The following NUTM1 variants were observed in gnomAD, a reference collection of about 807,000 sequenced individuals.
NUTM1 encodes NUT family member 1.
A neutral mutation model predicts 88.7 loss-of-function variants in NUTM1; 39 were observed. That is an observed-to-expected ratio of 0.44 (90% CI 0.34 to 0.57). The LOEUF (loss-of-function observed/expected upper bound fraction) is 0.57. Ranked by LOEUF, NUTM1 falls within the 20% of genes least tolerant of loss-of-function variation. The probability of loss-of-function intolerance (pLI) is 0.01; values close to 1 mark genes in which losing one functional copy is unlikely to be tolerated. For missense variants in NUTM1, 1,350 were observed against 1,414.5 expected (o/e 0.95, Z 0.73); for synonymous variants, 494 against 538.0 (o/e 0.92, Z 1.13).
chr15:34,347,533 C>A (rs886760995), intron 2 of NUTM1, among the ~76,000 whole-genome samples: 4 of 151,388 alleles, frequency 2.6e-5, no homozygotes, highest in Non-Finnish European at 5.9e-5. Context: ...GCTGGGATTA[C>A]AGATATGAAC....
At chr15:34,349,842 A>C (rs1890674427) in intron 3 of NUTM1, among the ~76,000 whole-genome samples, 1 of 152,212 alleles carries the variant, frequency 6.6e-6, no homozygotes, top group Non-Finnish European at 1.5e-5. Context: ...GGAGCCTAGC[A>C]GGCTAAATTT....
chr15:34,350,810 A>G lies in NUTM1; in HGVS notation c.916A>G (p.Ile306Val). 1.2e-6 allele frequency: 2 copies of G among 1,614,090 alleles called. No homozygotes were observed. The highest frequency in any genetic ancestry group is 1.7e-6 in the Non-Finnish European group (2 of 1,179,978). The change falls in exon 4 of 8, where the codon ATC becomes GTC. Residue 306 changes from isoleucine to valine, a missense_variant. Coordinates refer to ENST00000537011, the MANE Select transcript of NUTM1 (RefSeq NM_001284292.2). ...WEHTSNFDRM[I>V]FYEMAERFME... ...GCACACCAGCAACTTTGACCGGATG[A>G]TCTTTTATGAGATGGCAGAAAGGTG...
chr15:34,347,405 A>G (rs1890612932), intron 2 of NUTM1, among the ~76,000 whole-genome samples: 1 of 151,996 alleles, frequency 6.6e-6, no homozygotes, highest in Non-Finnish European at 1.5e-5. Flanking sequence ...CTACAGGTGC[A>G]TGCCACCGCA....
intron 4 of NUTM1, among the ~76,000 whole-genome samples, chr15:34,352,865 G>A (rs1214661732): frequency 7.3e-6 from 1 of 137,430 alleles, no homozygotes; most frequent in African/African-American, 2.7e-5. Context: ...ACAAGCTCTA[G>A]ATCATTCTTA....
At chr15:34,346,802 G>C (rs1321867405) in intron 2 of NUTM1, among the ~76,000 whole-genome samples, 1 of 137,884 alleles carries the variant, frequency 7.3e-6, no homozygotes, top group African/African-American at 2.7e-5. Context: ...AGAATCACTT[G>C]AACCCAGGAG....
chr15:34,351,689 G>A (rs1342706703), intron 4 of NUTM1, among the ~76,000 whole-genome samples: 1 of 152,148 alleles, frequency 6.6e-6, no homozygotes, highest in African/African-American at 2.4e-5. Context: ...TGACTTGGTA[G>A]CAAGTGGCTA....
Position 34,357,327 on chromosome 15 carries a change from G to C in NUTM1, c.3319G>C (p.Gly1107Arg). The change falls in exon 8 of 8, where the codon GGA (glycine) becomes CGA (arginine). Residue 1107 changes from glycine (G) to arginine (R), a missense_variant. Physicochemically the swap from Gly to Arg is moderately radical, Grantham distance 125. This residue lies in a region of NUTM1 where 730 missense variants were observed against 728.8 expected (regional missense o/e 1.00). Coordinates refer to ENST00000537011, the MANE Select transcript of NUTM1 (RefSeq NM_001284292.2). ...CAAGTCTGGGAAGCGAGCTCTAGCTGGAGGTCCAGCCCCTACTGAAAAGAC... is the reference window on the plus strand; with the variant it reads ...CAAGTCTGGGAAGCGAGCTCTAGCTCGAGGTCCAGCCCCTACTGAAAAGAC... ...VAKSGKRALA[G>R]GPAPTEKTPH... The C allele has an allele frequency of 6.2e-7, 1 of 1,614,176 alleles. No individual in the cohort carries two copies. Among genetic ancestry groups the C allele is most frequent in the Non-Finnish European group, 8.5e-7 (1 of 1,180,026 alleles).
At position 34,357,408 on chromosome 15, in the gene NUTM1, G is replaced by A. The variant is rs1187622169; in HGVS notation, c.3400G>A (p.Val1134Ile). The A allele has an allele frequency of 1.2e-6, 2 of 1,614,176 alleles. No homozygotes were observed. The highest frequency in any genetic ancestry group is 1.7e-6 in the Non-Finnish European group (2 of 1,180,028). ...CAGGGAGAAACCCCTAGCTCTGGGA[G>A]TAGTTCGACCCTCACAGCCTCGTAA... Reference protein sequence around the residue: ...VPREKPLALGVVRPSQPRKRR... With the variant: ...VPREKPLALGIVRPSQPRKRR... The change falls in exon 8 of 8, where the codon GTA (valine) becomes ATA (isoleucine). Residue 1134 changes from valine to isoleucine, a missense_variant. By Grantham distance (29) the Val-to-Ile change is conservative. Coordinates refer to ENST00000537011, the MANE Select transcript of NUTM1 (RefSeq NM_001284292.2).
chr15:34,354,486 C>T lies in NUTM1; in HGVS notation c.1116C>T (p.Pro372=). Residue 372 remains proline (P), a synonymous_variant, in exon 6 of 8, where the codon CCC becomes CCT. Transcript: ENST00000537011. ...PKKAASKTRA[P]RRRQRKAQRP... is the part of the protein sequence containing the mutation. ...AGGCAGCCTCCAAGACACGGGCCCC[C>T]CGCCGGCGTCAGCGTAAAGCCCAGA... The T allele has an allele frequency of 6.2e-7, 1 of 1,614,156 alleles. No homozygotes were observed. The highest frequency in any genetic ancestry group is 8.5e-7 in the Non-Finnish European group (1 of 1,180,038).
rs1446546057 is a variant in NUTM1, at chr15:34,355,634, T to G, written c.1626T>G (p.Leu542=). 1 of 1,611,856 alleles carries G rather than the reference T, an allele frequency of 6.2e-7. No homozygotes were observed. Among genetic ancestry groups the G allele is most frequent in the Non-Finnish European group, 8.5e-7 (1 of 1,179,096 alleles). Residue 542 remains leucine, a synonymous_variant, in exon 8 of 8, where the codon CTT becomes CTG. Transcript: ENST00000537011. The surrounding 1 kb of genome is among the most constrained non-coding windows in gnomAD (Gnocchi z 4.3). ...GGCGGCTTCGGCCCTCACCTGGGCT[T>G]CAGGGGGCTGGGGGCGCCGCTTGCC... The part of the protein sequence containing the change: ...GDGRLRPSPG[L]QGAGGAACLG...
chr15:34,348,980 G>A (rs1277136449), intron 3 of NUTM1, among the ~76,000 whole-genome samples: 1 of 152,116 alleles, frequency 6.6e-6, no homozygotes, highest in African/African-American at 2.4e-5. Flanking sequence ...ACCAGTGATT[G>A]GAACTTAGGT....
intron 2 of NUTM1, among the ~76,000 whole-genome samples, chr15:34,346,881 TAAAAAAAAAAAAAA>T (rs10671676): frequency 2.9e-5 from 1 of 34,326 alleles, no homozygotes; most frequent in Non-Finnish European, 4.8e-5. Flanking sequence ...AGACTCCATC[TAAAAAAAAAAAAAA>T]AAAAAAAAAA....
intron 2 of NUTM1, 78 bp downstream of exon 2, chr15:34,346,113 G>A: frequency 1.4e-6 from 2 of 1,430,178 alleles, no homozygotes; most frequent in Non-Finnish European, 2.0e-6. Context: ...CTGACCTAAA[G>A]GAATGTGAGG....
intron 2 of NUTM1, among the ~76,000 whole-genome samples, chr15:34,346,450 G>A (rs1453840858): frequency 6.6e-6 from 1 of 150,894 alleles, no homozygotes; most frequent in Non-Finnish European, 1.5e-5. Flanking sequence ...CCATGCTTGA[G>A]CTTATGAGGG....
intron 3 of NUTM1, among the ~76,000 whole-genome samples, chr15:34,350,311 A>T (rs1234065879): frequency 6.6e-6 from 1 of 152,264 alleles, no homozygotes; most frequent in Non-Finnish European, 1.5e-5. Flanking sequence ...ATGCCTTTAA[A>T]GAAAAAATGC....
In NUTM1 at chr15:34,356,075, A is replaced by G. The variant is rs775530010; in HGVS notation, c.2067A>G (p.Gly689=). Residue 689 remains glycine (G), a synonymous_variant, in exon 8 of 8, where the codon GGA becomes GGG. Transcript: ENST00000537011. The part of the protein sequence containing the change: ...LEKQVLGLQK[G]QQTGGRGVLP... ...AGCAAGTCCTGGGATTGCAGAAAGG[A>G]CAACAAACAGGGGGTCGTGGAGTGC... is the stretch of plus-strand genomic sequence containing the variant. 3 of 1,613,986 alleles carry G rather than the reference A, an allele frequency of 1.9e-6. No individual in the cohort carries two copies. Among genetic ancestry groups the G allele is most frequent in the Non-Finnish European group, 1.7e-6 (2 of 1,179,888 alleles).
intron 4 of NUTM1, among the ~76,000 whole-genome samples, chr15:34,351,070 A>G (rs75153182): frequency 6.6e-6 from 1 of 151,158 alleles, no homozygotes; most frequent in African/African-American, 2.4e-5. Context: ...AAAAAAAAAA[A>G]TACAAAAATT....
intron 4 of NUTM1, among the ~76,000 whole-genome samples, chr15:34,352,107 T>G (rs1435918002): frequency 6.6e-6 from 1 of 152,008 alleles, no homozygotes; most frequent in African/African-American, 2.4e-5. Context: ...GAGGCAGAGG[T>G]TGCGGTGAGC....
In NUTM1 at chr15:34,348,693, G is replaced by A. The variant is rs200003983; in HGVS notation, c.809+16G>A. On this transcript the variant is annotated intron_variant, in intron 3 of 7. Transcript: ENST00000537011. Reference sequence around the variant, plus strand: ...GTTTTCTTATGTAAGTGGGGAGACCGGAGATTAATTATTCTAGGGCTTTTA... The same window carrying A: ...GTTTTCTTATGTAAGTGGGGAGACCAGAGATTAATTATTCTAGGGCTTTTA... The A allele has an allele frequency of 2.7e-5, 41 of 1,534,372 alleles. No individual in the cohort carries two copies. The East Asian group carries it at 4.0e-4, about 15-fold the overall frequency.
Sources: gnomAD v4.1 joint callset for allele counts (sites outside exome capture counted in the v4.1 genomes callset) on GRCh38, gnomAD v4.1.1 for gene constraint, gnomAD v4.1.1 regional missense constraint, Gnocchi (gnomAD v3.1) non-coding constraint, MANE v1.5 for transcripts, NCBI Gene and HGNC (gene_info 2026-07-23, HGNC 2026-07-21) for gene names.